Variants in RBFOX1 observed in about 807,000 individuals in gnomAD.
RBFOX1 encodes the protein RNA binding protein fox-1 homolog 1.
In RBFOX1, 8 loss-of-function variants were observed where a neutral mutation model predicts 57.7. The observed-to-expected ratio is 0.14, with a 90% confidence interval of 0.08 to 0.25. RBFOX1 has a LOEUF of 0.25. RBFOX1 is among the 10% of genes least tolerant of loss of function. The pLI, the probability that RBFOX1 is intolerant of heterozygous loss-of-function variation, is 1.00. For missense variants in RBFOX1, 611 were observed against 548.5 expected (o/e 1.11, Z -1.14); for synonymous variants, 326 against 222.4 (o/e 1.47, Z -4.15).
chr16:7,281,273 G>C (rs990574885), intron 4 of RBFOX1, among the ~76,000 whole-genome samples: 1 of 151,736 alleles, frequency 6.6e-6, no homozygotes, highest in African/African-American at 2.4e-5. Context: ...ACAGTGTTGG[G>C]ACTACAGGCG....
intron 4 of RBFOX1, among the ~76,000 whole-genome samples, chr16:5,988,555 C>G (rs1023865565): frequency 2.0e-5 from 3 of 152,138 alleles, no homozygotes; most frequent in African/African-American, 4.8e-5. Context: ...GCTGTTACCC[C>G]CTTCCTGCCA....
intron 3 of RBFOX1, among the ~76,000 whole-genome samples, chr16:5,637,045 A>G (rs1222116995): frequency 1.3e-5 from 2 of 152,170 alleles, no homozygotes; most frequent in African/African-American, 2.4e-5. Context: ...ACTAATCATA[A>G]TGCAATATCA....
intron 1 of RBFOX1, among the ~76,000 whole-genome samples, chr16:6,309,015 C>T: frequency 6.6e-6 from 1 of 152,062 alleles, no homozygotes; most frequent in Non-Finnish European, 1.5e-5. Flanking sequence ...ACTTACCTCT[C>T]TCCTCTCACC....
chr16:5,312,897 C>T (rs2064130738), intron 1 of RBFOX1, among the ~76,000 whole-genome samples: 1 of 152,196 alleles, frequency 6.6e-6, no homozygotes, highest in African/African-American at 2.4e-5. Context: ...ATCTGATTTG[C>T]AGTCTTGCTG....
intron 2 of RBFOX1, among the ~76,000 whole-genome samples, chr16:5,518,544 A>G (rs2043883276): frequency 1.3e-5 from 2 of 152,234 alleles, no homozygotes; most frequent in African/African-American, 4.8e-5. Context: ...CAAAAATGCA[A>G]GTGTTAATTT....
intron 4 of RBFOX1, among the ~76,000 whole-genome samples, chr16:5,936,355 C>G (rs1304751070): frequency 6.6e-6 from 1 of 152,156 alleles, no homozygotes; most frequent in Admixed American, 6.5e-5. Flanking sequence ...AATGCCTGAC[C>G]TCAAGTGATC....
intron 4 of RBFOX1, among the ~76,000 whole-genome samples, chr16:7,396,551 G>A (rs1360853800): frequency 3.3e-5 from 5 of 152,066 alleles, no homozygotes; most frequent in African/African-American, 4.8e-5. Flanking sequence ...CGGACCTCAC[G>A]TGCTGAGTTC....
intron 4 of RBFOX1, among the ~76,000 whole-genome samples, chr16:5,905,754 C>G (rs918492610): frequency 6.6e-6 from 1 of 152,092 alleles, no homozygotes; most frequent in Admixed American, 6.5e-5. Context: ...TCAGAAGTAC[C>G]CAACCCTTCA....
chr16:6,099,378 C>G (rs2096279292), intron 1 of RBFOX1, among the ~76,000 whole-genome samples: 1 of 152,144 alleles, frequency 6.6e-6, no homozygotes, highest in Admixed American at 6.5e-5. Flanking sequence ...GTCCTGTTGT[C>G]TATGTAGCCA....
At chr16:7,432,034 T>C (rs937923906) in intron 4 of RBFOX1, among the ~76,000 whole-genome samples, 2 of 152,188 alleles carry the variant, frequency 1.3e-5, no homozygotes, top group Non-Finnish European at 1.5e-5. Context: ...TTGCTTTCCT[T>C]ACACCCAGCC....
At chr16:6,801,784 G>T (rs147058748) in intron 3 of RBFOX1, among the ~76,000 whole-genome samples, 1 of 152,092 alleles carries the variant, frequency 6.6e-6, no homozygotes, top group African/African-American at 2.4e-5. Flanking sequence ...TTGCCAGACC[G>T]ACTCAAAATT....
At chr16:6,574,183 G>A (rs1488174953) in intron 2 of RBFOX1, among the ~76,000 whole-genome samples, 2 of 152,132 alleles carry the variant, frequency 1.3e-5, no homozygotes, top group African/African-American at 2.4e-5. Context: ...GACCGTGGGT[G>A]AGTCACTTAA....
chr16:6,975,589 C>T (rs907905139), intron 3 of RBFOX1, among the ~76,000 whole-genome samples: 5 of 152,148 alleles, frequency 3.3e-5, no homozygotes, highest in Non-Finnish European at 7.3e-5. Context: ...ATGTTGATAG[C>T]ACCTGGGAGA....
At chr16:5,632,349 A>T (rs1186404065) in intron 3 of RBFOX1, 3 of 152,196 alleles carry the variant, frequency 2.0e-5, no homozygotes, top group African/African-American at 4.8e-5. Flanking sequence ...TACCTCTTGT[A>T]GCTGTTTCCT....
intron 2 of RBFOX1, among the ~76,000 whole-genome samples, chr16:6,522,314 A>G (rs1472986291): frequency 2.6e-5 from 4 of 152,116 alleles, no homozygotes. Context: ...AGGGAATGCC[A>G]TAATTCCAGA....
At chr16:6,607,507 C>G (rs1265460468) in intron 2 of RBFOX1, among the ~76,000 whole-genome samples, 1 of 149,356 alleles carries the variant, frequency 6.7e-6, no homozygotes, top group African/African-American at 2.5e-5. Flanking sequence ...TCTCTCCCCT[C>G]TCTTCTCTCT....
chr16:5,776,394 G>A (rs923536267), intron 3 of RBFOX1, among the ~76,000 whole-genome samples: 1 of 152,140 alleles, frequency 6.6e-6, no homozygotes, highest in African/African-American at 2.4e-5. Flanking sequence ...TGAGACCACG[G>A]CCACCATTTT....
intron 2 of RBFOX1, among the ~76,000 whole-genome samples, chr16:6,401,354 G>T (rs1285615470): frequency 6.6e-6 from 1 of 152,126 alleles, no homozygotes. Context: ...ATTAGAAAAT[G>T]AAAAATTCTT....
chr16:5,375,770 G>C (rs12928759), intron 1 of RBFOX1, among the ~76,000 whole-genome samples: 44 of 152,210 alleles, frequency 2.9e-4, no homozygotes, highest in Non-Finnish European at 5.0e-4. Context: ...GCTGCAGTGC[G>C]TTCGTCCCTG....
Sources: allele counts gnomAD v4.1 joint callset (sites outside exome capture counted in the v4.1 genomes callset), GRCh38; gene constraint gnomAD v4.1.1; transcripts MANE v1.5; gene names NCBI Gene and HGNC (gene_info 2026-07-23, HGNC 2026-07-21).